Variants in LINGO2 observed in about 807,000 individuals in gnomAD.
The protein encoded by LINGO2 is leucine rich repeat and Ig domain containing 2.
A neutral mutation model predicts 30.6 loss-of-function variants in LINGO2; 14 were observed. The ratio of observed to expected loss-of-function variants is 0.46; its 90% CI spans 0.30 to 0.72. The LOEUF (loss-of-function observed/expected upper bound fraction) is 0.72, where lower values mean the gene tolerates loss of function less well. Ranked by LOEUF, LINGO2 falls within the 30% of genes least tolerant of loss-of-function variation. The probability of loss-of-function intolerance (pLI) is 0.07; values close to 1 mark genes in which losing one functional copy is unlikely to be tolerated. For synonymous variants in LINGO2, 317 were observed against 288.5 expected, an observed-to-expected ratio of 1.10 and a Z score of -1.00; for missense variants, 729 against 751.7, an observed-to-expected ratio of 0.97 and a Z score of 0.35.
Position 28,279,434 on chromosome 9 carries a change from A to C in LINGO2, c.-87+15774T>G, listed in dbSNP as rs552107508. ...GTTAATTGTTTTCTTATTTCTAAAA[A>C]TTGCCACAGCCACTTCAACCTTCTG... On this transcript the variant is annotated intron_variant, in intron 4 of 5. Transcript: ENST00000379992. Among the ~76,000 whole-genome samples the C allele has an allele frequency of 7.9e-5, 12 of 152,302 alleles. No homozygotes were observed. In the East Asian group the frequency reaches 2.1e-3, roughly 27 times the overall value.
At chr9:28,027,034 G>A (rs1823412376) in intron 4 of LINGO2, among the ~76,000 whole-genome samples, 1 of 152,112 alleles carries the variant, frequency 6.6e-6, no homozygotes, top group Admixed American at 6.6e-5. Flanking sequence ...ATAGGGGCAA[G>A]CACCATGACA....
chr9:28,404,789 C>G (rs1822424463), intron 2 of LINGO2, among the ~76,000 whole-genome samples: 1 of 152,036 alleles, frequency 6.6e-6, no homozygotes, highest in South Asian at 2.1e-4. Flanking sequence ...TATGGCAAGG[C>G]TGAATAATTT....
the LINGO2 span, among the ~76,000 whole-genome samples, chr9:28,884,697 G>GTGTA: frequency 3.9e-4 from 54 of 138,036 alleles, no homozygotes; most frequent in African/African-American, 1.3e-3. Context: ...GTATGTATGT[G>GTGTA]TATATATATA....
At chr9:28,893,720 G>C in the LINGO2 span, among the ~76,000 whole-genome samples, 2 of 105,864 alleles carry the variant, frequency 1.9e-5, no homozygotes, top group African/African-American at 6.9e-5. Flanking sequence ...TCACAAATAA[G>C]TTATTCACAC....
At chr9:27,971,213 TTC>T (rs1488034279) in intron 5 of LINGO2, among the ~76,000 whole-genome samples, 1 of 151,958 alleles carries the variant, frequency 6.6e-6, no homozygotes, top group Non-Finnish European at 1.5e-5. Flanking sequence ...CTATTTTCAC[TTC>T]TTTTTCTTGT....
At chr9:28,407,580 G>T (rs528235875) in intron 2 of LINGO2, among the ~76,000 whole-genome samples, 1 of 152,246 alleles carries the variant, frequency 6.6e-6, no homozygotes, top group African/African-American at 2.4e-5. Context: ...GCTTGGATTT[G>T]TTGCCAACAC....
chr9:28,250,966 T>C (rs928546170), intron 4 of LINGO2, among the ~76,000 whole-genome samples: 1 of 143,860 alleles, frequency 7.0e-6, no homozygotes, highest in African/African-American at 2.5e-5. Flanking sequence ...GGTGTCAACA[T>C]AGGCTAAGTT....
At chr9:28,870,029 A>G in the LINGO2 span, among the ~76,000 whole-genome samples, 1 of 152,034 alleles carries the variant, frequency 6.6e-6, no homozygotes, top group Admixed American at 6.6e-5. Context: ...ATCAGAAAAA[A>G]AAAACCCATA....
At chr9:28,864,709 C>T in the LINGO2 span, among the ~76,000 whole-genome samples, 784 of 152,128 alleles carry the variant, frequency 5.2e-3, 7 homozygotes, top group African/African-American at 0.018. Context: ...CAGGAATACC[C>T]TACTCACCTC....
intron 4 of LINGO2, among the ~76,000 whole-genome samples, chr9:28,060,265 A>G (rs1263683197): frequency 6.6e-6 from 1 of 152,144 alleles, no homozygotes; most frequent in Non-Finnish European, 1.5e-5. Context: ...ATGCAAGAAT[A>G]TCTTCAAACA....
chr9:27,949,454 G>A, exon 6 of LINGO2: 1 of 1,614,048 alleles, frequency 6.2e-7, no homozygotes, highest in South Asian at 1.1e-5. Context: ...GTTTTTTGCA[G>A]GTAAAGTAAA....
At chr9:29,173,299 A>T in the LINGO2 span, among the ~76,000 whole-genome samples, 1 of 152,074 alleles carries the variant, frequency 6.6e-6, no homozygotes, top group Admixed American at 6.6e-5. Context: ...ATTATGTTAG[A>T]GTTTCTCCAA....
intron 4 of LINGO2, among the ~76,000 whole-genome samples, chr9:28,212,705 T>C (rs571042171): frequency 1.3e-5 from 2 of 151,442 alleles, no homozygotes; most frequent in Admixed American, 6.6e-5. Flanking sequence ...ATAAATAAAA[T>C]TAAATAAAAT....
At chr9:28,572,236 A>G (rs999717051) in intron 1 of LINGO2, among the ~76,000 whole-genome samples, 8 of 152,246 alleles carry the variant, frequency 5.3e-5, no homozygotes, top group African/African-American at 1.9e-4. Context: ...ATATTTTATA[A>G]CACAAATGAC....
intron 3 of LINGO2, among the ~76,000 whole-genome samples, chr9:28,306,160 C>T (rs1286366260): frequency 2.0e-5 from 3 of 152,096 alleles, no homozygotes; most frequent in Admixed American, 1.3e-4. Context: ...TTTACTTCCC[C>T]GTTCACACTA....
chr9:29,150,723 G>A, the LINGO2 span, among the ~76,000 whole-genome samples: 7 of 152,040 alleles, frequency 4.6e-5, no homozygotes, highest in Non-Finnish European at 8.8e-5. Context: ...TTGATTTAAC[G>A]AACAAAACCT....
At chr9:28,551,597 A>G (rs891651315) in intron 1 of LINGO2, among the ~76,000 whole-genome samples, 4 of 151,872 alleles carry the variant, frequency 2.6e-5, no homozygotes, top group African/African-American at 9.7e-5. Context: ...GCCACAGACT[A>G]CTCTTATTAC....
intron 4 of LINGO2, among the ~76,000 whole-genome samples, chr9:28,286,092 G>A (rs1316049465): frequency 6.6e-6 from 1 of 152,122 alleles, no homozygotes; most frequent in Non-Finnish European, 1.5e-5. Context: ...TGTACTACAA[G>A]GGCATGATTA....
At chr9:29,083,932 T>C in the LINGO2 span, among the ~76,000 whole-genome samples, 1 of 152,094 alleles carries the variant, frequency 6.6e-6, no homozygotes, top group Admixed American at 6.6e-5. Context: ...CTTTACCTGG[T>C]ACCTTGATAC....
Sources: gnomAD v4.1 joint callset for allele counts (sites outside exome capture counted in the v4.1 genomes callset) on GRCh38, gnomAD v4.1.1 for gene constraint, MANE v1.5 for transcripts, NCBI Gene and HGNC (gene_info 2026-07-23, HGNC 2026-07-21) for gene names.